IFI16: variants seen among roughly 807,000 people sequenced by gnomAD.
IFI16 encodes interferon gamma inducible protein 16, also known as gamma-interferon-inducible protein 16.
Under a neutral mutation model 68.4 loss-of-function variants are expected in IFI16, and 49 were observed. The ratio of observed to expected loss-of-function variants is 0.72; its 90% confidence interval spans 0.57 to 0.91. IFI16 has a LOEUF of 0.91. IFI16 is among the 40% of genes least tolerant of loss of function. The pLI is 0.00. For synonymous variants in IFI16, 307 were observed against 315.0 expected, an observed-to-expected ratio of 0.97 and a Z score of 0.27; for missense variants, 878 against 942.9, an observed-to-expected ratio of 0.93 and a Z score of 0.90.
At chr1:159,037,227 G>A (rs1178073031) in intron 7 of IFI16, among the ~76,000 whole-genome samples, 8 of 152,156 alleles carry the variant, frequency 5.3e-5, no homozygotes, top group South Asian at 2.1e-4. Context: ...TGCAGCCATA[G>A]GAATCATTAT....
intron 6 of IFI16, among the ~76,000 whole-genome samples, chr1:159,026,925 T>G (rs1653707622): frequency 6.6e-6 from 1 of 152,182 alleles, no homozygotes; most frequent in Non-Finnish European, 1.5e-5. Context: ...TCTAGGAGCT[T>G]TTTGAATGAG....
chr1:159,015,005 G>C (rs1036333276), intron 2 of IFI16, 60 bp downstream of exon 2: 1 of 1,437,984 alleles, frequency 7.0e-7, no homozygotes, highest in East Asian at 2.3e-5. Flanking sequence ...CCCCAACATT[G>C]ATTAGAGCCC....
chr1:159,016,645 G>A lies in IFI16; in HGVS notation c.494G>A (p.Arg165His), dbSNP rs138795047. The A allele has an allele frequency of 1.1e-4, 174 of 1,614,018 alleles. No homozygotes were observed. Among genetic ancestry groups the A allele is most frequent in the East Asian group, 2.7e-4 (12 of 44,876 alleles). Reference sequence around the variant, plus strand: ...GCCGGCATGTCCACAGCCATGGGCCGTTCCCCATCTCCCAAGACCTCATTG... The same window carrying A: ...GCCGGCATGTCCACAGCCATGGGCCATTCCCCATCTCCCAAGACCTCATTG... ...AGAGMSTAMG[R>H]SPSPKTSLSA... Residue 165 changes from arginine (R) to histidine (H), a missense_variant, in exon 4 of 12, where the codon CGT (arginine) becomes CAT (histidine). Transcript: ENST00000295809.
chr1:159,032,803 T>A, intron 7 of IFI16, 112 bp downstream of exon 7: 3 of 849,128 alleles, frequency 3.5e-6, no homozygotes, highest in Non-Finnish European at 1.8e-6. Context: ...GGTACAATCT[T>A]GGTATGAAAT....
chr1:159,018,120 A>C (rs1416213365), intron 4 of IFI16, 109 bp from the exon 5 acceptor site: 27 of 851,672 alleles, frequency 3.2e-5, no homozygotes, highest in Non-Finnish European at 3.7e-5. Flanking sequence ...TCCAGCTCTA[A>C]ACATCTGTGC....
At chr1:159,016,805 C>A in intron 4 of IFI16, 105 bp downstream of exon 4, 1 of 997,932 alleles carries the variant, frequency 1.0e-6, no homozygotes, top group Non-Finnish European at 1.5e-6. Flanking sequence ...CTAGTTAATC[C>A]AATGTACATA....
At chr1:159,022,843 G>A (rs996169302) in intron 6 of IFI16, among the ~76,000 whole-genome samples, 3 of 152,168 alleles carry the variant, frequency 2.0e-5, no homozygotes, top group Non-Finnish European at 2.9e-5. Flanking sequence ...AGATGGGGAG[G>A]AAAGTTTTTG....
intron 7 of IFI16, among the ~76,000 whole-genome samples, chr1:159,036,153 C>T (rs1159591321): frequency 6.6e-6 from 1 of 152,194 alleles, no homozygotes; most frequent in Admixed American, 6.5e-5. Flanking sequence ...CGGATTTCTA[C>T]TTCGTAAGCA....
intron 6 of IFI16, among the ~76,000 whole-genome samples, chr1:159,031,731 C>T (rs856054): frequency 0.62 from 93,899 of 152,008 alleles, 34,761 homozygotes; most frequent in Non-Finnish European, 0.8. Flanking sequence ...TTTTTTCAAA[C>T]GTGCCATTTT....
chr1:159,047,801 C>G (rs1380181234), intron 8 of IFI16, among the ~76,000 whole-genome samples: 2 of 149,974 alleles, frequency 1.3e-5, no homozygotes, highest in African/African-American at 2.4e-5. Context: ...GACTTTAATT[C>G]AAAGCCGGAA....
chr1:159,008,947 G>A (rs998938370), upstream of IFI16: 1 of 152,090 alleles, frequency 6.6e-6, no homozygotes, highest in African/African-American at 2.4e-5. Flanking sequence ...CATCCTGCTT[G>A]CAGATCTGCT....
chr1:159,048,379 C>T (rs1383214261), intron 8 of IFI16, among the ~76,000 whole-genome samples: 1 of 151,508 alleles, frequency 6.6e-6, no homozygotes, highest in Non-Finnish European at 1.5e-5. Context: ...AAATCTTCCT[C>T]AGGGTCACAC....
At position 159,053,546 on chromosome 1, in the gene IFI16, G is replaced by C. The variant is rs914739037; in HGVS notation, c.2099G>C (p.Gly700Ala). The C allele has an allele frequency of 1.9e-6, 3 of 1,603,008 alleles. No individual in the cohort carries two copies. The highest frequency in any genetic ancestry group is 1.7e-6 in the Non-Finnish European group (2 of 1,172,204). Residue 700 changes from glycine to alanine, a missense_variant, in exon 11 of 12, where the codon GGT (glycine) becomes GCT (alanine). Gly to Ala is a moderately conservative substitution (Grantham distance 60, BLOSUM62 0). Transcript: ENST00000295809. The stretch of plus-strand genomic sequence containing the variant: ...TTTCTTTTGCAGAAAAATGTAAGGG[G>C]TGAATTCACTTATTATGAAATACAA... ...VFEVHKKNVR[G>A]EFTYYEIQDN... is the part of the protein sequence containing the mutation.
At chr1:159,017,982 T>C (rs185036773) in intron 4 of IFI16, among the ~76,000 whole-genome samples, 101 of 152,368 alleles carry the variant, frequency 6.6e-4, no homozygotes, top group African/African-American at 2.3e-3. Flanking sequence ...ATGCTTTATT[T>C]CTTAAGGTTG....
chr1:159,029,349 G>C (rs1653859789), intron 6 of IFI16, among the ~76,000 whole-genome samples: 1 of 152,162 alleles, frequency 6.6e-6, no homozygotes, highest in South Asian at 2.1e-4. Flanking sequence ...GATTTCTGTT[G>C]AGAAATCTGC....
chr1:159,042,306 T>C (rs1407415678), intron 7 of IFI16, among the ~76,000 whole-genome samples: 1 of 57,882 alleles, frequency 1.7e-5, no homozygotes, highest in Non-Finnish European at 3.3e-5. Context: ...TTCTGCCATG[T>C]CTCCCTTAAA....
At chr1:159,024,457 C>A (rs1407634099) in intron 6 of IFI16, among the ~76,000 whole-genome samples, 4 of 152,058 alleles carry the variant, frequency 2.6e-5, no homozygotes, top group Non-Finnish European at 5.9e-5. Flanking sequence ...AAGGGGTAGC[C>A]CTTTTGGTGA....
intron 7 of IFI16, among the ~76,000 whole-genome samples, chr1:159,041,635 T>C (rs1654650080): frequency 6.6e-6 from 1 of 152,106 alleles, no homozygotes; most frequent in African/African-American, 2.4e-5. Flanking sequence ...TGGTCTCAGA[T>C]CAGCATACAA....
chr1:159,047,209 T>A (rs1250224765), intron 8 of IFI16, among the ~76,000 whole-genome samples: 2 of 151,324 alleles, frequency 1.3e-5, no homozygotes, highest in Non-Finnish European at 3.0e-5. Flanking sequence ...CCGAGCACCA[T>A]CCACACACGT....
Sources: gnomAD v4.1 joint callset for allele counts (sites outside exome capture counted in the v4.1 genomes callset) on GRCh38, gnomAD v4.1.1 for gene constraint, MANE v1.5 for transcripts, NCBI Gene and HGNC (gene_info 2026-07-23, HGNC 2026-07-21) for gene names.